Variants in LAD1 observed in about 807,000 individuals in gnomAD.
The protein encoded by LAD1 is ladinin-1.
In LAD1, 53 loss-of-function variants were observed where a neutral mutation model predicts 54.2. That is an observed-to-expected ratio of 0.98 (90% CI 0.78 to 1.23). The LOEUF (loss-of-function observed/expected upper bound fraction) is 1.23, where lower values mean the gene tolerates loss of function less well. Among genes scored for constraint, LAD1 ranks in the 50% most tolerant of loss-of-function variants. LAD1 has a pLI of 0.00. For missense variants in LAD1, 637 were observed against 653.3 expected (o/e 0.98, Z 0.27); for synonymous variants, 231 against 257.7 (o/e 0.90, Z 0.99).
In LAD1 at chr1:201,384,825, T is replaced by C; in HGVS notation, c.1142A>G (p.Lys381Arg). 3 of 1,614,010 alleles carry C rather than the reference T, an allele frequency of 1.9e-6. No homozygotes were observed. The highest frequency in any genetic ancestry group is 2.5e-6 in the Non-Finnish European group (3 of 1,180,012). The change falls in exon 5 of 10, where the codon AAG becomes AGG. Residue 381 changes from lysine to arginine, a missense_variant. Physicochemically the swap from Lys to Arg is conservative, Grantham distance 26 (BLOSUM62 2). Coordinates refer to ENST00000391967, the MANE Select transcript of LAD1 (RefSeq NM_005558.4). ...TAGGGTTGTTTCCGAGTTTTCTTTC[T>C]TGGGTTTCATCTGAAATGAGAAGGA... ...PRTISFRMKP[K>R]KENSETTLTR...
chr1:201,398,956 A>G (rs1662354591), intron 1 of LAD1, among the ~76,000 whole-genome samples: 1 of 152,156 alleles, frequency 6.6e-6, no homozygotes, highest in African/African-American at 2.4e-5. Context: ...ACACCTCCAC[A>G]ATCCCCCAAA....
At position 201,386,614 on chromosome 1, in the gene LAD1, C is replaced by T. The variant is rs1662094109; in HGVS notation, c.747G>A (p.Leu249=). 1 of 1,614,180 alleles carries T rather than the reference C, an allele frequency of 6.2e-7. No individual in the cohort carries two copies. Among genetic ancestry groups the T allele is most frequent in the Non-Finnish European group, 8.5e-7 (1 of 1,180,022 alleles). The change falls in exon 3 of 10, where the codon CTG becomes CTA. Residue 249 remains leucine (L), a synonymous_variant. Coordinates refer to ENST00000391967, the MANE Select transcript of LAD1 (RefSeq NM_005558.4). The part of the protein sequence containing the change: ...SEKSLAPGMA[L]GSGRRLVSEK... ...CAGACACCAGCCTCCTTCCTGAGCCCAGTGCCATCCCTGGGGCCAGCGACT... is the reference window on the plus strand; with the variant it reads ...CAGACACCAGCCTCCTTCCTGAGCCTAGTGCCATCCCTGGGGCCAGCGACT...
At chr1:201,389,954 G>A (rs1466028776) in intron 1 of LAD1, among the ~76,000 whole-genome samples, 1 of 152,026 alleles carries the variant, frequency 6.6e-6, no homozygotes, top group Non-Finnish European at 1.5e-5. Flanking sequence ...GGATCTCGCT[G>A]TGTTGCTCAG....
At chr1:201,382,411 AG>A in intron 8 of LAD1, 85 bp from the exon 9 acceptor site, 1 of 1,105,872 alleles carries the variant, frequency 9.0e-7, no homozygotes, top group South Asian at 1.3e-5. Flanking sequence ...CTCCCAGCCC[AG>A]GATGTCCTTT....
At chr1:201,399,240 C>G (rs1187187117) in intron 1 of LAD1, 29 bp downstream of exon 1, 1 of 1,535,298 alleles carries the variant, frequency 6.5e-7, no homozygotes, top group Non-Finnish European at 8.7e-7. Context: ...GCCGACCCCC[C>G]GCCCCTCCCG....
intron 9 of LAD1, 94 bp downstream of exon 9, chr1:201,382,158 C>A: frequency 9.0e-7 from 1 of 1,114,626 alleles, no homozygotes; most frequent in Non-Finnish European, 1.4e-6. Flanking sequence ...TGCGCGATTG[C>A]AGGCCAATTA....
chr1:201,384,786 C>T lies in LAD1; in HGVS notation c.1175+6G>A. On this transcript the variant is annotated splice_donor_region_variant and intron_variant, in intron 5 of 9. Coordinates refer to ENST00000391967, the MANE Select transcript of LAD1 (RefSeq NM_005558.4). ...TAGAAAGAACCAGAGCCTCCAGGCC[C>T]CCCACCTGCGAGTTAGGGTTGTTTC... 2 of 1,614,022 alleles carry T rather than the reference C, an allele frequency of 1.2e-6. No individual in the cohort carries two copies. Among genetic ancestry groups the T allele is most frequent in the South Asian group, 2.2e-5 (2 of 91,068 alleles).
chr1:201,391,286 C>T, intron 1 of LAD1: 1 of 390,678 alleles, frequency 2.6e-6, no homozygotes, highest in South Asian at 1.9e-5. Flanking sequence ...ACCCTTCATT[C>T]ATGGGGCCAA....
In LAD1 at chr1:201,381,815, G is replaced by C; in HGVS notation, c.*73C>G. The C allele has an allele frequency of 6.7e-7, 1 of 1,499,444 alleles. No homozygotes were observed. The highest frequency in any genetic ancestry group is 9.3e-7 in the Non-Finnish European group (1 of 1,075,482). 92.9% of individuals were successfully genotyped at this position (1,499,444 alleles called of 1,614,324 possible). On this transcript the variant is annotated 3_prime_UTR_variant, in exon 10 of 10. Coordinates refer to ENST00000391967, the MANE Select transcript of LAD1 (RefSeq NM_005558.4). ...GACAATGAGAGGAAAGGGTGCTGCT[G>C]TGAGAGGCAGGGGCCTGGCATGAGG...
intron 4 of LAD1, 91 bp downstream of exon 4, chr1:201,385,610 A>ACCTAACGGCTT: frequency 1.1e-6 from 1 of 944,374 alleles, no homozygotes; most frequent in Non-Finnish European, 1.7e-6. Context: ...GGACCTTCCT[A>ACCTAACGGCTT]CCTAACCTAC....
At chr1:201,386,195 G>T in intron 3 of LAD1, 140 bp downstream of exon 3, 1 of 862,454 alleles carries the variant, frequency 1.2e-6, no homozygotes, top group East Asian at 2.8e-5. Context: ...AGCAGGCAGG[G>T]AAAGAAGAGA....
At chr1:201,392,203 G>A (rs903162106) in intron 1 of LAD1, among the ~76,000 whole-genome samples, 4 of 152,200 alleles carry the variant, frequency 2.6e-5, no homozygotes, top group East Asian at 1.9e-4. Flanking sequence ...GAACCGCTCC[G>A]ATTTTTTTCT....
chr1:201,389,566 A>T (rs1039600014), intron 1 of LAD1, among the ~76,000 whole-genome samples: 3 of 152,024 alleles, frequency 2.0e-5, no homozygotes, highest in Non-Finnish European at 4.4e-5. Context: ...TGATCCTAGC[A>T]CTTTAGGAGG....
intron 1 of LAD1, among the ~76,000 whole-genome samples, chr1:201,398,579 G>A (rs933497629): frequency 5.3e-5 from 8 of 152,136 alleles, no homozygotes; most frequent in Non-Finnish European, 8.8e-5. Flanking sequence ...CTGAACACCC[G>A]CCTTCCCCAG....
At chr1:201,382,980 A>T in intron 7 of LAD1, 94 bp downstream of exon 7, 2 of 1,435,224 alleles carry the variant, frequency 1.4e-6, no homozygotes, top group African/African-American at 2.8e-5. Flanking sequence ...TGACACATGA[A>T]AACAGTTTTC....
chr1:201,394,530 G>T (rs1281460042), intron 1 of LAD1, among the ~76,000 whole-genome samples: 6 of 152,082 alleles, frequency 3.9e-5, no homozygotes, highest in African/African-American at 4.8e-5. Context: ...GATTCCCCTG[G>T]GCCTCTGCAT....
intron 7 of LAD1, 145 bp downstream of exon 7, chr1:201,382,929 A>C: frequency 3.6e-6 from 4 of 1,110,446 alleles, no homozygotes; most frequent in Non-Finnish European, 5.2e-6. Flanking sequence ...GGGCTCAGGA[A>C]CGTGAATGGG....
intron 4 of LAD1, 24 bp downstream of exon 4, chr1:201,385,677 G>C (rs749658907): frequency 5.1e-6 from 8 of 1,566,408 alleles, no homozygotes; most frequent in Non-Finnish European, 7.0e-6. Context: ...GTGGCTCGCA[G>C]ACCAGGGTGC....
chr1:201,390,944 G>A (rs1354069318), intron 1 of LAD1: 2 of 363,622 alleles, frequency 5.5e-6, no homozygotes, highest in Non-Finnish European at 1.1e-5. Context: ...CTTGCCAAGT[G>A]CCTTTCTCTT....
Sources: gnomAD v4.1 joint callset for allele counts (sites outside exome capture counted in the v4.1 genomes callset) on GRCh38, gnomAD v4.1.1 for gene constraint, MANE v1.5 for transcripts, NCBI Gene and HGNC (gene_info 2026-07-23, HGNC 2026-07-21) for gene names.